TUBGCP3: variants seen among roughly 807,000 people sequenced by gnomAD.
TUBGCP3 encodes gamma-tubulin complex component 3.
A neutral mutation model predicts 123.1 loss-of-function variants in TUBGCP3; 50 were observed. That is an observed-to-expected ratio of 0.41 (90% CI 0.32 to 0.51). The LOEUF (loss-of-function observed/expected upper bound fraction) is 0.51. Ranked by LOEUF, TUBGCP3 falls within the 20% of genes least tolerant of loss-of-function variation. TUBGCP3 has a pLI of 0.36. For missense variants in TUBGCP3, 882 were observed against 1,127.0 expected (o/e 0.78, Z 3.11); for synonymous variants, 405 against 413.9 (o/e 0.98, Z 0.26).
At chr13:112,548,516 A>G (rs1029580337) in intron 8 of TUBGCP3, among the ~76,000 whole-genome samples, 4 of 152,246 alleles carry the variant, frequency 2.6e-5, no homozygotes, top group African/African-American at 7.2e-5. Flanking sequence ...GCTTCTGCAC[A>G]GCAAAAGAAA....
intron 21 of TUBGCP3, 123 bp downstream of exon 21, chr13:112,489,458 C>CA: frequency 1.3e-6 from 1 of 762,490 alleles, no homozygotes; most frequent in South Asian, 1.6e-5. Context: ...GTGCTACTCA[C>CA]ACCTACACAA....
Position 112,552,353 on chromosome 13 carries a change from G to A in TUBGCP3, c.966+1704C>T, listed in dbSNP as rs180944239. ...CCAGACATGATAAAACACTCCCTTC[G>A]GGAAAAGGGACAGGGACTCTAAAAT... On this transcript the variant is annotated intron_variant, in intron 8 of 21. Transcript: ENST00000261965. Among the ~76,000 whole-genome samples, 25 of 152,334 alleles carry A rather than the reference G, an allele frequency of 1.6e-4. No homozygotes were observed. In the Middle Eastern group the frequency reaches 0.017, roughly 104 times the overall value.
At chr13:112,544,033 T>C (rs1292356843) in intron 11 of TUBGCP3, among the ~76,000 whole-genome samples, 1 of 152,202 alleles carries the variant, frequency 6.6e-6, no homozygotes, top group Non-Finnish European at 1.5e-5. Flanking sequence ...GAAAATATTC[T>C]TATTAACATT....
chr13:112,587,840 G>T, intron 1 of TUBGCP3, 65 bp downstream of exon 1: 1 of 1,436,758 alleles, frequency 7.0e-7, no homozygotes, highest in Non-Finnish European at 9.4e-7. Flanking sequence ...ACGTATTAGG[G>T]CTGCACGCGC....
the TUBGCP3 span, among the ~76,000 whole-genome samples, chr13:112,595,727 A>C: frequency 4.6e-5 from 6 of 129,776 alleles, no homozygotes; most frequent in Non-Finnish European, 1.6e-5. Flanking sequence ...GACAGCATAT[A>C]GTTGGGCCAT....
At position 112,569,219 on chromosome 13, in the gene TUBGCP3, A is replaced by G; in HGVS notation, c.117T>C (p.Ile39=). 3 of 1,614,170 alleles carry G rather than the reference A, an allele frequency of 1.9e-6. No individual in the cohort carries two copies. The highest frequency in any genetic ancestry group is 2.5e-6 in the Non-Finnish European group (3 of 1,180,024). ...CAACAGTTGGGGCGAAGTTGCTGCC[A>G]ATCACCCGCACAGCATACTGGAACT... is the stretch of plus-strand genomic sequence containing the variant. ...AQQFQYAVRV[I]GSNFAPTVER... is the part of the protein sequence containing the mutation. The change falls in exon 2 of 22, where the codon ATT becomes ATC. Residue 39 remains isoleucine (I), a synonymous_variant. Transcript: ENST00000261965.
intron 20 of TUBGCP3, among the ~76,000 whole-genome samples, chr13:112,496,092 A>G (rs1486422342): frequency 6.6e-6 from 1 of 152,238 alleles, no homozygotes; most frequent in Non-Finnish European, 1.5e-5. Context: ...GGGTGCATGC[A>G]TGGATGCATT....
intron 11 of TUBGCP3, among the ~76,000 whole-genome samples, chr13:112,544,161 G>C (rs374060087): frequency 2.3e-4 from 35 of 152,252 alleles, no homozygotes; most frequent in African/African-American, 8.2e-4. Flanking sequence ...TTTAAAATAT[G>C]CATCCCCACA....
intron 3 of TUBGCP3, among the ~76,000 whole-genome samples, chr13:112,564,486 A>G (rs929248428): frequency 3.3e-5 from 5 of 152,204 alleles, no homozygotes. Context: ...CTATGATTCA[A>G]TTAATGTATT....
intron 4 of TUBGCP3, among the ~76,000 whole-genome samples, 195 bp downstream of exon 4, chr13:112,559,127 G>A (rs529572011): frequency 6.6e-6 from 1 of 152,228 alleles, no homozygotes; most frequent in African/African-American, 2.4e-5. Context: ...ACAAAATTCT[G>A]AAAAACATTA....
At chr13:112,540,289 A>C (rs112813238) in intron 11 of TUBGCP3, among the ~76,000 whole-genome samples, 81 of 129,878 alleles carry the variant, frequency 6.2e-4, no homozygotes, top group South Asian at 1.6e-3. Context: ...GCCTATGAGC[A>C]TTCAGGTGGT....
At chr13:112,603,547 A>C in the TUBGCP3 span, 1 of 152,202 alleles carries the variant, frequency 6.6e-6, no homozygotes, top group Non-Finnish European at 1.5e-5. Context: ...ACACGGTGAA[A>C]CCTTGTCTCT....
intron 1 of TUBGCP3, among the ~76,000 whole-genome samples, chr13:112,570,598 T>C (rs1881321492): frequency 6.6e-6 from 1 of 152,232 alleles, no homozygotes; most frequent in Non-Finnish European, 1.5e-5. Context: ...TTTTTGCTGG[T>C]GGAGGGTCTC....
At chr13:112,560,206 G>A (rs1218437930) in intron 3 of TUBGCP3, among the ~76,000 whole-genome samples, 4 of 151,262 alleles carry the variant, frequency 2.6e-5, no homozygotes, top group Admixed American at 6.6e-5. Context: ...CGAGGCGGGC[G>A]GATCACGAGG....
chr13:112,488,684 G>A (rs1394518901), intron 21 of TUBGCP3, among the ~76,000 whole-genome samples: 1 of 138,232 alleles, frequency 7.2e-6, no homozygotes, highest in Non-Finnish European at 1.5e-5. Flanking sequence ...GAGCACAGGG[G>A]TCACCCCCAG....
At chr13:112,522,695 G>A (rs1876723877) in intron 13 of TUBGCP3, among the ~76,000 whole-genome samples, 186 bp from the exon 14 acceptor site, 1 of 152,152 alleles carries the variant, frequency 6.6e-6, no homozygotes, top group Non-Finnish European at 1.5e-5. Context: ...CCACACACAT[G>A]AAAACAATTC....
rs896535969 is a variant in TUBGCP3, at chr13:112,544,071, C to T, written c.1335+1628G>A. Among the ~76,000 whole-genome samples, 11 of 152,266 alleles carry T rather than the reference C, an allele frequency of 7.2e-5. No individual in the cohort carries two copies. The East Asian group carries it at 1.7e-3, about 24-fold the overall frequency. ...GTAAGACAAAGTGTTGACAAGGACG[C>T]GGGAATGAGGACCATAACAGGAAGC... On this transcript the variant is annotated intron_variant, in intron 11 of 21. Transcript: ENST00000261965.
At chr13:112,503,814 A>T (rs1881093450) in intron 19 of TUBGCP3, among the ~76,000 whole-genome samples, 1 of 152,178 alleles carries the variant, frequency 6.6e-6, no homozygotes, top group Non-Finnish European at 1.5e-5. Flanking sequence ...CCATTTTTAC[A>T]TCCAGTTTAG....
At position 112,558,421 on chromosome 13, in the gene TUBGCP3, G is replaced by T. The variant is rs149033590; in HGVS notation, c.331-8C>A. The T allele has an allele frequency of 2.3e-4, 357 of 1,536,298 alleles. 5 individuals are homozygous for T. The East Asian group carries it at 7.2e-3, about 31-fold the overall frequency. ...CGTAGCATAGCTAGAAACCTGAAAA[G>T]AGAAACACACTAAGAGCAGAGACAG... is the stretch of plus-strand genomic sequence containing the variant. On this transcript the variant is annotated splice_polypyrimidine_tract_variant and splice_region_variant and intron_variant, in intron 4 of 21. Coordinates refer to ENST00000261965, the MANE Select transcript of TUBGCP3 (RefSeq NM_006322.6).
Sources: gnomAD v4.1 joint callset for allele counts (sites outside exome capture counted in the v4.1 genomes callset) on GRCh38, gnomAD v4.1.1 for gene constraint, MANE v1.5 for transcripts, NCBI Gene and HGNC (gene_info 2026-07-23, HGNC 2026-07-21) for gene names.